TENM3: variants seen among roughly 807,000 people sequenced by gnomAD.
TENM3 encodes teneurin transmembrane protein 3, also known as teneurin-3.
TENM3 carries 63 observed loss-of-function variants against 255.1 expected under a neutral mutation model. That is an observed-to-expected ratio of 0.25 (90% confidence interval 0.20 to 0.30). The LOEUF is 0.30. Ranked by LOEUF, TENM3 falls within the 10% of genes least tolerant of loss-of-function variation. The probability of loss-of-function intolerance (pLI) is 1.00; values close to 1 mark genes in which losing one functional copy is unlikely to be tolerated. For missense variants in TENM3, 2,929 were observed against 3,461.1 expected (o/e 0.85, Z 3.86); for synonymous variants, 1,306 against 1,322.3 (o/e 0.99, Z 0.27).
the TENM3 span, among the ~76,000 whole-genome samples, chr4:182,101,208 G>A: frequency 8.0e-4 from 8 of 10,004 alleles, 1 homozygote; most frequent in South Asian, 4.1e-3. Context: ...GGAAAGAAGG[G>A]AGGGAGGAAG....
chr4:182,629,012 G>A, intron 5 of TENM3, 123 bp downstream of exon 5: 4 of 647,978 alleles, frequency 6.2e-6, no homozygotes, highest in South Asian at 4.1e-5. Context: ...GGGTGAGTTT[G>A]GTAATAATGT....
intron 1 of TENM3, among the ~76,000 whole-genome samples, chr4:182,156,260 T>A: frequency 6.6e-6 from 1 of 152,210 alleles, no homozygotes; most frequent in East Asian, 1.9e-4. Flanking sequence ...AGTTTAACAA[T>A]TTCTCCAGAA....
chr4:182,156,849 A>G (rs1012935902), intron 1 of TENM3, among the ~76,000 whole-genome samples: 4 of 152,120 alleles, frequency 2.6e-5, no homozygotes, highest in Admixed American at 2.0e-4. Context: ...CTTGTGTCCA[A>G]GTGGCTGTGT....
intron 3 of TENM3, among the ~76,000 whole-genome samples, chr4:182,507,817 A>G (rs1228195591): frequency 6.6e-6 from 1 of 152,356 alleles, no homozygotes; most frequent in East Asian, 1.9e-4. Flanking sequence ...AAAGAGACGA[A>G]ATAGATCTTA....
At chr4:182,537,232 T>C (rs1327246567) in intron 3 of TENM3, among the ~76,000 whole-genome samples, 1 of 152,152 alleles carries the variant, frequency 6.6e-6, no homozygotes, top group Non-Finnish European at 1.5e-5. Flanking sequence ...CATAAATCAG[T>C]GTCATTGGTG....
At chr4:182,126,728 C>T in the TENM3 span, among the ~76,000 whole-genome samples, 7 of 152,122 alleles carry the variant, frequency 4.6e-5, no homozygotes, top group African/African-American at 1.7e-4. Flanking sequence ...ATTCACCCTA[C>T]CCACGAAAAG....
chr4:182,588,649 A>G lies in TENM3; in HGVS notation c.512-12275A>G, dbSNP rs535923236. Among the ~76,000 whole-genome samples, 74 of 152,316 alleles carry G rather than the reference A, an allele frequency of 4.9e-4. 3 individuals carry two copies. The highest frequency in any genetic ancestry group is 1.7e-3 in the African/African-American group (70 of 41,574). On this transcript the variant is annotated intron_variant, in intron 3 of 27. Transcript: ENST00000511685. ...TCAGGTAAAATATTTTAAAATGGGT[A>G]GAAGAATATCCTGAAACATACACTG...
chr4:181,617,414 T>C, the TENM3 span, among the ~76,000 whole-genome samples: 1 of 152,194 alleles, frequency 6.6e-6, no homozygotes, highest in Non-Finnish European at 1.5e-5. Flanking sequence ...AGATTAGCCC[T>C]GCAAAGGTAA....
chr4:182,679,978 G>C, intron 8 of TENM3, 102 bp downstream of exon 8: 1 of 1,017,058 alleles, frequency 9.8e-7, no homozygotes, highest in Non-Finnish European at 1.4e-6. Flanking sequence ...TTCCTAGGGT[G>C]TTAAAGCCCA....
Position 182,274,550 on chromosome 4 carries a change from C to T in TENM3, c.-76+31074C>T, listed in dbSNP as rs552063168. Among the ~76,000 whole-genome samples the T allele has an allele frequency of 3.3e-5, 5 of 152,184 alleles. No homozygotes were observed. In the South Asian group the frequency reaches 1.0e-3, roughly 32 times the overall value. On this transcript the variant is annotated intron_variant, in intron 1 of 27. Coordinates refer to ENST00000511685, the MANE Select transcript of TENM3 (RefSeq NM_001080477.4). ...TGAGGAGGGTGAGTTTGACTGGGGT[C>T]GCATGTTCGCCGTGTTCTACCTCCA...
At chr4:181,493,445 G>A in the TENM3 span, among the ~76,000 whole-genome samples, 2 of 151,984 alleles carry the variant, frequency 1.3e-5, no homozygotes, top group African/African-American at 2.4e-5. Flanking sequence ...GGTTATAGAG[G>A]TACGACCAGG....
At chr4:182,188,929 T>C (rs1206378410) in intron 1 of TENM3, among the ~76,000 whole-genome samples, 1 of 152,160 alleles carries the variant, frequency 6.6e-6, no homozygotes, top group East Asian at 1.9e-4. Context: ...TTCAGTAATA[T>C]TTTAAAAGCT....
intron 3 of TENM3, among the ~76,000 whole-genome samples, chr4:182,580,361 C>G (rs975973248): frequency 6.6e-6 from 1 of 152,116 alleles, no homozygotes; most frequent in African/African-American, 2.4e-5. Flanking sequence ...GTCTCATGTA[C>G]GACATTATCT....
the TENM3 span, among the ~76,000 whole-genome samples, chr4:181,671,948 T>G: frequency 6.6e-6 from 1 of 152,188 alleles, no homozygotes. Context: ...AGGAATAGGA[T>G]TATTCCCTGC....
At chr4:181,977,437 C>T in the TENM3 span, among the ~76,000 whole-genome samples, 12 of 152,106 alleles carry the variant, frequency 7.9e-5, no homozygotes, top group Non-Finnish European at 1.5e-4. Context: ...TAGTGTATCA[C>T]GGTGAATGTG....
At chr4:181,705,865 G>A in the TENM3 span, among the ~76,000 whole-genome samples, 67,722 of 151,992 alleles carry the variant, frequency 0.45, 15,934 homozygotes, top group East Asian at 0.61. Flanking sequence ...CAGCCACCCT[G>A]GGCTCCTAAC....
chr4:182,090,855 TTC>T, the TENM3 span, among the ~76,000 whole-genome samples: 3 of 152,210 alleles, frequency 2.0e-5, no homozygotes, highest in African/African-American at 7.2e-5. Flanking sequence ...TAAACATACT[TTC>T]TGTCTTCTCT....
At chr4:181,997,355 G>A in the TENM3 span, among the ~76,000 whole-genome samples, 1 of 152,184 alleles carries the variant, frequency 6.6e-6, no homozygotes, top group South Asian at 2.1e-4. Flanking sequence ...GAAAAACATG[G>A]ACCACCTAAA....
intron 1 of TENM3, among the ~76,000 whole-genome samples, chr4:182,288,857 T>C (rs1378533201): frequency 6.6e-6 from 1 of 152,132 alleles, no homozygotes; most frequent in Non-Finnish European, 1.5e-5. Context: ...ACCACACCTA[T>C]GCCGAAAAAT....
Sources: allele counts gnomAD v4.1 joint callset (sites outside exome capture counted in the v4.1 genomes callset), GRCh38; gene constraint gnomAD v4.1.1; transcripts MANE v1.5; gene names NCBI Gene and HGNC (gene_info 2026-07-23, HGNC 2026-07-21).